Variants in UBE2Q2 observed in about 807,000 individuals in gnomAD.
The protein encoded by UBE2Q2 is ubiquitin conjugating enzyme E2 Q2.
UBE2Q2 carries 54 observed loss-of-function variants against 59.9 expected under a neutral mutation model. That is an observed-to-expected ratio of 0.90 (90% CI 0.72 to 1.13). The LOEUF is 1.13. Among genes scored for constraint, UBE2Q2 ranks in the 50% most tolerant of loss-of-function variants. UBE2Q2 has a pLI of 0.00. For missense variants in UBE2Q2, 433 were observed against 441.9 expected, an observed-to-expected ratio of 0.98 and a Z score of 0.18; for synonymous variants, 165 against 155.2, an observed-to-expected ratio of 1.06 and a Z score of -0.47.
chr15:75,876,279 T>TC lies in UBE2Q2; in HGVS notation c.673+9dup, dbSNP rs1450536277. 1.9e-6 allele frequency: 3 copies of TC among 1,607,246 alleles called. No homozygotes were observed. Among genetic ancestry groups the TC allele is most frequent in the Admixed American group, 1.7e-5 (1 of 59,750 alleles). On this transcript the variant is annotated intron_variant, in intron 6 of 12. Coordinates refer to ENST00000267938, the MANE Select transcript of UBE2Q2 (RefSeq NM_173469.4). ...CACAGAGTTATAAAACAGGTAAGGA[T>TC]CTCTGGATCCCTGCTCTCTTTATGA...
At chr15:75,891,145 C>A in intron 11 of UBE2Q2, 131 bp downstream of exon 11, 1 of 641,376 alleles carries the variant, frequency 1.6e-6, no homozygotes, top group Middle Eastern at 4.5e-4. Flanking sequence ...CTTCTTGTTA[C>A]AAAAGTGATC....
intron 2 of UBE2Q2, among the ~76,000 whole-genome samples, chr15:75,857,417 T>C (rs1896975922): frequency 6.6e-6 from 1 of 152,188 alleles, no homozygotes; most frequent in Non-Finnish European, 1.5e-5. Flanking sequence ...AAAGTGAATA[T>C]ATTTACATGA....
At chr15:75,865,642 A>G (rs1897422928) in intron 3 of UBE2Q2, among the ~76,000 whole-genome samples, 1 of 152,164 alleles carries the variant, frequency 6.6e-6, no homozygotes, top group African/African-American at 2.4e-5. Flanking sequence ...TTAGTGCATC[A>G]ATATGGTCAG....
rs748754993 is a variant in UBE2Q2 at position 75,843,710 on chromosome 15, C to A, written c.44C>A (p.Ser15Tyr). 1 of 1,611,422 alleles carries A rather than the reference C, an allele frequency of 6.2e-7. No individual in the cohort carries two copies. The highest frequency in any genetic ancestry group is 1.7e-5 in the Admixed American group (1 of 59,900). The change falls in exon 1 of 13, where the codon TCC becomes TAC. Residue 15 changes from serine (S) to tyrosine (Y), a missense_variant. Ser to Tyr is a moderately radical substitution (Grantham distance 144). Transcript: ENST00000267938. ...AAGGCCGAGCTGAAGTTCCTGGCGT[C>A]CATCTTCGACAAGAACCACGAGCGA... ...GLKAELKFLA[S>Y]IFDKNHERFR...
intron 2 of UBE2Q2, among the ~76,000 whole-genome samples, chr15:75,856,718 C>T (rs530915377): frequency 8.6e-4 from 131 of 152,172 alleles, no homozygotes; most frequent in African/African-American, 2.9e-3. Context: ...CCCAGGCAGG[C>T]GGATCAGTTG....
chr15:75,850,353 A>AT (rs1896569188), intron 1 of UBE2Q2, among the ~76,000 whole-genome samples: 1 of 152,050 alleles, frequency 6.6e-6, no homozygotes, highest in South Asian at 2.1e-4. Flanking sequence ...AAAAAATCAG[A>AT]TTTTTTTGTA....
At position 75,876,208 on chromosome 15, in the gene UBE2Q2, C is replaced by G; in HGVS notation, c.610C>G (p.Gln204Glu). The G allele has an allele frequency of 1.2e-6, 2 of 1,613,998 alleles. No individual in the cohort carries two copies. Among genetic ancestry groups the G allele is most frequent in the African/African-American group, 2.7e-5 (2 of 74,994 alleles). Reference protein sequence around the residue: ...HLNGAVSGSVQASDRLMKELR... With the variant: ...HLNGAVSGSVEASDRLMKELR... ...TCAGGGTGCAGTGTCTGGGTCAGTG[C>G]AAGCTTCAGATAGACTTATGAAAGA... is the stretch of plus-strand genomic sequence containing the variant. Residue 204 changes from glutamine (Q) to glutamate (E), a missense_variant, in exon 6 of 13, where the codon CAA (glutamine) becomes GAA (glutamate). By Grantham distance (29) the Gln-to-Glu change is conservative. Transcript: ENST00000267938.
At chr15:75,869,447 G>A (rs187445794) in intron 4 of UBE2Q2, among the ~76,000 whole-genome samples, 4 of 152,300 alleles carry the variant, frequency 2.6e-5, no homozygotes, top group Admixed American at 2.0e-4. Flanking sequence ...TCTTAATCTG[G>A]TTTACACTAT....
At chr15:75,880,220 C>T (rs1250105893) in intron 8 of UBE2Q2, among the ~76,000 whole-genome samples, 1 of 151,790 alleles carries the variant, frequency 6.6e-6, no homozygotes, top group African/African-American at 2.4e-5. Context: ...TCAAGTGATT[C>T]TCCTGCCTCA....
chr15:75,895,935 A>G (rs887992552), intron 11 of UBE2Q2, among the ~76,000 whole-genome samples: 1 of 152,250 alleles, frequency 6.6e-6, no homozygotes, highest in Non-Finnish European at 1.5e-5. Context: ...CAACATTATA[A>G]CAGCAAAATA....
intron 7 of UBE2Q2, chr15:75,878,428 C>CTA (rs386364598): frequency 6.3e-5 from 1 of 15,886 alleles, no homozygotes; most frequent in Non-Finnish European, 1.2e-4. Flanking sequence ...TTCATCTCTA[C>CTA]AAAAAAAAAA....
At chr15:75,890,268 A>C (rs561240100) in intron 9 of UBE2Q2, among the ~76,000 whole-genome samples, 167 bp from the exon 10 acceptor site, 94 of 152,314 alleles carry the variant, frequency 6.2e-4, no homozygotes, top group South Asian at 2.1e-3. Context: ...ATAACATTAG[A>C]ATTTTTAAAT....
intron 3 of UBE2Q2, among the ~76,000 whole-genome samples, chr15:75,861,850 A>G (rs1442442468): frequency 3.3e-5 from 5 of 152,158 alleles, no homozygotes; most frequent in African/African-American, 1.2e-4. Context: ...CTCATTTGGC[A>G]GCTCTCACTA....
chr15:75,878,101 A>G (rs1257148648), intron 7 of UBE2Q2, 80 bp downstream of exon 7: 1 of 1,187,372 alleles, frequency 8.4e-7, no homozygotes, highest in Non-Finnish European at 1.2e-6. Context: ...CTAACTTGAT[A>G]CCTTTATACT....
intron 3 of UBE2Q2, among the ~76,000 whole-genome samples, chr15:75,866,995 T>C (rs1457589517): frequency 6.6e-6 from 1 of 151,622 alleles, no homozygotes; most frequent in African/African-American, 2.4e-5. Context: ...GGTTATCTCC[T>C]CATTTATAGA....
chr15:75,870,843 G>T (rs898942619), intron 4 of UBE2Q2, among the ~76,000 whole-genome samples: 1 of 152,168 alleles, frequency 6.6e-6, no homozygotes, highest in Admixed American at 6.5e-5. Context: ...TTTCTATTTG[G>T]TGTGATTATT....
chr15:75,890,410 G>A (rs778641907), intron 9 of UBE2Q2, 25 bp from the exon 10 acceptor site: 2 of 1,576,602 alleles, frequency 1.3e-6, no homozygotes, highest in Admixed American at 2.0e-5. Context: ...CGAGAATTTT[G>A]TATGACTCCT....
chr15:75,879,249 G>T, intron 8 of UBE2Q2, 61 bp downstream of exon 8: 1 of 1,050,908 alleles, frequency 9.5e-7, no homozygotes. Flanking sequence ...TTGTACAAGT[G>T]CTTTGGAAAA....
chr15:75,853,487 A>T (rs1030247430), intron 1 of UBE2Q2, among the ~76,000 whole-genome samples: 1 of 147,596 alleles, frequency 6.8e-6, no homozygotes. Context: ...AAAGAAAAAA[A>T]AATTATATAT....
Sources: gnomAD v4.1 joint callset for allele counts (sites outside exome capture counted in the v4.1 genomes callset) on GRCh38, gnomAD v4.1.1 for gene constraint, MANE v1.5 for transcripts, NCBI Gene and HGNC (gene_info 2026-07-23, HGNC 2026-07-21) for gene names.